Variants in FLT1 observed in about 807,000 individuals in gnomAD.
FLT1 encodes vascular endothelial growth factor receptor 1.
Under a neutral mutation model 156.3 loss-of-function variants are expected in FLT1, and 49 were observed. The observed-to-expected ratio is 0.31, with a 90% confidence interval of 0.25 to 0.40. The LOEUF (loss-of-function observed/expected upper bound fraction) is 0.40, where lower values mean the gene tolerates loss of function less well. FLT1 is among the 10% of genes least tolerant of loss of function. The pLI is 1.00. For synonymous variants in FLT1, 594 were observed against 583.8 expected (o/e 1.02, Z -0.25); for missense variants, 1,322 against 1,637.2 (o/e 0.81, Z 3.32).
chr13:28,494,389 C>G (rs1348369257), intron 1 of FLT1, among the ~76,000 whole-genome samples: 1 of 152,216 alleles, frequency 6.6e-6, no homozygotes, highest in Non-Finnish European at 1.5e-5. Context: ...CGTACCTGCC[C>G]CAGGTCCTCT....
chr13:28,436,032 A>C (rs1400064893), intron 4 of FLT1, among the ~76,000 whole-genome samples: 1 of 152,260 alleles, frequency 6.6e-6, no homozygotes, highest in Non-Finnish European at 1.5e-5. Flanking sequence ...TCCTCAGTAC[A>C]ACTTAAAAAT....
chr13:28,362,561 A>G (rs1389094194), intron 14 of FLT1, among the ~76,000 whole-genome samples: 4 of 152,120 alleles, frequency 2.6e-5, no homozygotes, highest in East Asian at 3.9e-4. Context: ...GCTCATGCCT[A>G]TAATCCCAGC....
chr13:28,482,567 C>A (rs1394122991), intron 1 of FLT1, among the ~76,000 whole-genome samples: 2 of 151,876 alleles, frequency 1.3e-5, no homozygotes, highest in Admixed American at 1.3e-4. Context: ...ATTTCTTAAA[C>A]CTCCCCTCCT....
intron 10 of FLT1, among the ~76,000 whole-genome samples, chr13:28,408,813 T>C (rs1231300070): frequency 6.6e-6 from 1 of 152,090 alleles, no homozygotes; most frequent in African/African-American, 2.4e-5. Flanking sequence ...TCCGTCCCTT[T>C]CCTAATGAGC....
chr13:28,376,156 T>C lies in FLT1; in HGVS notation c.2116+8729A>G, dbSNP rs375873057. ...CCTCTTAGGTACTAGGATCTGAATATGGTGCCTACAGATGCAGACATTTGG... is the reference window on the plus strand; with the variant it reads ...CCTCTTAGGTACTAGGATCTGAATACGGTGCCTACAGATGCAGACATTTGG... On this transcript the variant is annotated intron_variant, in intron 14 of 29. Coordinates refer to ENST00000282397, the MANE Select transcript of FLT1 (RefSeq NM_002019.4). 7.9e-5 allele frequency among the ~76,000 whole-genome samples: 12 copies of C among 152,330 alleles called. No homozygotes were observed. The South Asian group carries it at 2.5e-3, about 32-fold the overall frequency.
chr13:28,396,684 A>T, intron 12 of FLT1: 1 of 541,740 alleles, frequency 1.8e-6, no homozygotes, highest in Non-Finnish European at 3.4e-6. Context: ...ACTGAAGGGA[A>T]TGAAAAAATG....
chr13:28,307,198 T>G (rs9554316), intron 28 of FLT1, among the ~76,000 whole-genome samples: 105,640 of 152,028 alleles, frequency 0.69, 39,735 homozygotes, highest in East Asian at 1. Flanking sequence ...TTTTTTTTCT[T>G]GAACTCAATG....
intron 3 of FLT1, among the ~76,000 whole-genome samples, chr13:28,451,821 G>A (rs552898937): frequency 5.3e-5 from 8 of 152,318 alleles, no homozygotes; most frequent in African/African-American, 1.7e-4. Context: ...CATTTGAAAT[G>A]TTCACACTGG....
At chr13:28,487,643 G>GT (rs1464111917) in intron 1 of FLT1, among the ~76,000 whole-genome samples, 1 of 152,182 alleles carries the variant, frequency 6.6e-6, no homozygotes, top group African/African-American at 2.4e-5. Flanking sequence ...TTTCAAGACA[G>GT]TAAGAGGCAC....
chr13:28,409,418 T>C (rs1876007123), intron 10 of FLT1, among the ~76,000 whole-genome samples: 1 of 151,938 alleles, frequency 6.6e-6, no homozygotes, highest in Non-Finnish European at 1.5e-5. Context: ...TATTACAGCC[T>C]TGACCTCCTG....
rs1489843641 is a variant in FLT1 at position 28,390,024 on chromosome 13, T to C, written c.1741A>G (p.Lys581Glu). Residue 581 changes from lysine (K) to glutamate (E), a missense_variant, in exon 13 of 30, where the codon AAG becomes GAG. Lys to Glu is a moderately conservative substitution (Grantham distance 56, BLOSUM62 1). This residue lies in a region of FLT1 where 991 missense variants were observed against 1,254.8 expected (regional missense o/e 0.79). Transcript: ENST00000282397. ...EDLKLSCTVNKFLYRDVTWIL... is the reference protein window; with the variant it reads ...EDLKLSCTVNEFLYRDVTWIL... ...CAAGTAACGTCTCTGTATAAGAACT[T>C]GTTAACTGTGCAAGACAGTTTCAGG... 1 of 1,614,240 alleles carries C rather than the reference T, an allele frequency of 6.2e-7. No individual in the cohort carries two copies. Among genetic ancestry groups the C allele is most frequent in the Non-Finnish European group, 8.5e-7 (1 of 1,180,036 alleles).
chr13:28,425,259 C>T (rs145911082), intron 10 of FLT1, among the ~76,000 whole-genome samples: 39 of 152,272 alleles, frequency 2.6e-4, no homozygotes, highest in African/African-American at 7.9e-4. Context: ...CAACCTTAAA[C>T]TTCCATTTGT....
chr13:28,358,307 C>A (rs1872979292), intron 14 of FLT1, among the ~76,000 whole-genome samples: 1 of 152,130 alleles, frequency 6.6e-6, no homozygotes, highest in Admixed American at 6.5e-5. Flanking sequence ...GAAGAGTTTG[C>A]CTGGGCTGTG....
intron 10 of FLT1, among the ~76,000 whole-genome samples, chr13:28,406,543 A>C (rs1032539906): frequency 6.6e-6 from 1 of 152,120 alleles, no homozygotes; most frequent in East Asian, 1.9e-4. Context: ...TCTGGACTAG[A>C]ATTTTTTTGA....
chr13:28,373,616 T>C (rs1461556830), intron 14 of FLT1, among the ~76,000 whole-genome samples: 3 of 152,150 alleles, frequency 2.0e-5, no homozygotes, highest in East Asian at 3.9e-4. Flanking sequence ...TCTAATTATT[T>C]TGCAAAAACA....
At chr13:28,417,417 C>T (rs1016023124) in intron 10 of FLT1, among the ~76,000 whole-genome samples, 2 of 152,050 alleles carry the variant, frequency 1.3e-5, no homozygotes, top group African/African-American at 4.8e-5. Flanking sequence ...CTTGGTGCGG[C>T]CTCTAAACTG....
At chr13:28,330,461 G>T (rs1291056248) in intron 18 of FLT1, among the ~76,000 whole-genome samples, 1 of 151,412 alleles carries the variant, frequency 6.6e-6, no homozygotes, top group East Asian at 1.9e-4. Context: ...AATATGAGTT[G>T]GAATAAAATG....
chr13:28,409,860 C>CTT (rs548371737), intron 10 of FLT1, among the ~76,000 whole-genome samples: 12 of 143,956 alleles, frequency 8.3e-5, no homozygotes, highest in African/African-American at 2.8e-4. Context: ...GATTCCATGG[C>CTT]TTTTTTTTTT....
chr13:28,388,368 C>T, intron 13 of FLT1: 1 of 1,057,784 alleles, frequency 9.5e-7, no homozygotes, highest in African/African-American at 1.6e-5. Context: ...GGTGAGTTCC[C>T]AAGCTTGAGA....
Sources: allele counts gnomAD v4.1 joint callset (sites outside exome capture counted in the v4.1 genomes callset), GRCh38; gene constraint gnomAD v4.1.1; regional missense constraint gnomAD v4.1.1; transcripts MANE v1.5; gene names NCBI Gene and HGNC (gene_info 2026-07-23, HGNC 2026-07-21).